The following KCNQ3 variants were observed in gnomAD, a reference collection of about 807,000 sequenced individuals.
KCNQ3 encodes potassium voltage-gated channel subfamily Q member 3, also known as potassium voltage-gated channel subfamily KQT member 3.
In KCNQ3, 30 loss-of-function variants were observed where a neutral mutation model predicts 92.5. The observed-to-expected ratio is 0.32, with a 90% CI of 0.24 to 0.44. The LOEUF is 0.44. Ranked by LOEUF, KCNQ3 falls within the 20% of genes least tolerant of loss-of-function variation. KCNQ3 has a pLI of 1.00. For synonymous variants in KCNQ3, 450 were observed against 468.8 expected (o/e 0.96, Z 0.52); for missense variants, 913 against 1,140.3 (o/e 0.80, Z 2.87).
At chr8:132,303,918 T>C (rs1337557894) in intron 1 of KCNQ3, among the ~76,000 whole-genome samples, 1 of 151,848 alleles carries the variant, frequency 6.6e-6, no homozygotes, top group African/African-American at 2.4e-5. Flanking sequence ...ATTCTTTTTA[T>C]GTCTGAGTAA....
intron 1 of KCNQ3, among the ~76,000 whole-genome samples, chr8:132,300,953 T>A (rs938044133): frequency 6.6e-6 from 1 of 152,120 alleles, no homozygotes; most frequent in Non-Finnish European, 1.5e-5. Context: ...TAATTATTAT[T>A]ATTAACTTGA....
At position 132,193,723 on chromosome 8, in the gene KCNQ3, G is replaced by A. The variant is rs989574810; in HGVS notation, c.387-7542C>T. On this transcript the variant is annotated intron_variant, in intron 1 of 14. Transcript: ENST00000388996. ...CTTTTACTCCTGAGAGCAACACTGC[G>A]AGGAAGGGGACTATCATTTTATTTG... Among the ~76,000 whole-genome samples, 4 of 152,182 alleles carry A rather than the reference G, an allele frequency of 2.6e-5. No individual in the cohort carries two copies. In the East Asian group the frequency reaches 5.8e-4, roughly 22 times the overall value.
intron 1 of KCNQ3, among the ~76,000 whole-genome samples, chr8:132,333,489 T>C (rs1044636894): frequency 1.3e-5 from 2 of 152,162 alleles, no homozygotes; most frequent in African/African-American, 4.8e-5. Flanking sequence ...ATAAACATAA[T>C]ACCTTCTCAC....
intron 4 of KCNQ3, among the ~76,000 whole-genome samples, chr8:132,177,925 T>C (rs1826621533): frequency 6.6e-6 from 1 of 152,196 alleles, no homozygotes; most frequent in African/African-American, 2.4e-5. Flanking sequence ...CCTGTAAATC[T>C]AAGTCTATGT....
At chr8:132,135,858 G>A (rs1190290888) in intron 12 of KCNQ3, among the ~76,000 whole-genome samples, 1 of 152,068 alleles carries the variant, frequency 6.6e-6, no homozygotes, top group African/African-American at 2.4e-5. Context: ...GCTGGGTGCA[G>A]TGGCTGACGC....
chr8:132,180,682 C>T (rs1318971897), intron 3 of KCNQ3, among the ~76,000 whole-genome samples: 1 of 152,124 alleles, frequency 6.6e-6, no homozygotes, highest in East Asian at 1.9e-4. Flanking sequence ...GCTGCAGCTG[C>T]TCAGCCTATG....
chr8:132,283,092 CGTG>C (rs1816579816), intron 1 of KCNQ3, among the ~76,000 whole-genome samples: 1 of 130,608 alleles, frequency 7.7e-6, no homozygotes, highest in Non-Finnish European at 1.7e-5. Flanking sequence ...CTCTCTCTCT[CGTG>C]TGTGTGTGTG....
intron 1 of KCNQ3, among the ~76,000 whole-genome samples, chr8:132,369,407 T>C (rs1377259954): frequency 1.3e-5 from 2 of 152,134 alleles, no homozygotes; most frequent in Non-Finnish European, 2.9e-5. Flanking sequence ...TGGAGATTTG[T>C]CTAGAAGCAA....
intron 1 of KCNQ3, among the ~76,000 whole-genome samples, chr8:132,225,135 A>C (rs1814369719): frequency 6.6e-6 from 1 of 152,216 alleles, no homozygotes; most frequent in South Asian, 2.1e-4. Context: ...CAGTAGGAAA[A>C]ACTGCACTCT....
chr8:132,229,774 T>A (rs1328918901), intron 1 of KCNQ3, among the ~76,000 whole-genome samples: 3 of 151,992 alleles, frequency 2.0e-5, no homozygotes, highest in Non-Finnish European at 4.4e-5. Context: ...ATAAATACAC[T>A]AAGCAAGGGA....
intron 1 of KCNQ3, among the ~76,000 whole-genome samples, chr8:132,371,994 G>A (rs538209095): frequency 2.6e-5 from 4 of 152,160 alleles, no homozygotes; most frequent in Non-Finnish European, 5.9e-5. Context: ...ACAAAGTCTC[G>A]GTCAAGCCTT....
intron 1 of KCNQ3, among the ~76,000 whole-genome samples, chr8:132,324,089 C>G (rs937381615): frequency 2.0e-5 from 3 of 152,136 alleles, no homozygotes; most frequent in Non-Finnish European, 2.9e-5. Flanking sequence ...TCATGCTGTT[C>G]CCTCAGTCTG....
intron 1 of KCNQ3, among the ~76,000 whole-genome samples, chr8:132,297,941 T>A (rs1403944616): frequency 6.6e-6 from 1 of 152,248 alleles, no homozygotes; most frequent in Non-Finnish European, 1.5e-5. Context: ...TTGGCATGTG[T>A]CAGTTTCTTT....
At chr8:132,162,810 C>G (rs1457696650) in intron 9 of KCNQ3, among the ~76,000 whole-genome samples, 1 of 152,030 alleles carries the variant, frequency 6.6e-6, no homozygotes, top group Non-Finnish European at 1.5e-5. Context: ...AGTCCAGGGT[C>G]CTCTCACCTC....
At chr8:132,479,949 A>AACACACACACACACACACACACAC (rs371967111) in intron 1 of KCNQ3, among the ~76,000 whole-genome samples, 198 bp downstream of exon 1, 14 of 137,180 alleles carry the variant, frequency 1.0e-4, no homozygotes, top group East Asian at 2.4e-4. Flanking sequence ...GGAGAGCGGC[A>AACACACACACACACACACACACAC]ACACACACAC....
chr8:132,140,037 G>C (rs763979852), intron 11 of KCNQ3, 39 bp downstream of exon 11: 1 of 1,364,036 alleles, frequency 7.3e-7, no homozygotes, highest in African/African-American at 1.4e-5. Context: ...CTGGAGCGGG[G>C]GAGGCACACA....
At position 132,418,657 on chromosome 8, in the gene KCNQ3, G is replaced by C. The variant is rs147865760; in HGVS notation, c.386+61490C>G. Among the ~76,000 whole-genome samples, 583 of 152,164 alleles carry C rather than the reference G, an allele frequency of 3.8e-3. 5 individuals are homozygous for C. The highest frequency in any genetic ancestry group is 0.013 in the African/African-American group (527 of 41,514). On this transcript the variant is annotated intron_variant, in intron 1 of 14. Coordinates refer to ENST00000388996, the MANE Select transcript of KCNQ3 (RefSeq NM_004519.4). Reference sequence around the variant, plus strand: ...AAAAATTAGCCAGGTGTGGTGGTGCGTGCCTGTAGTCCCAGCTACTTGGGA... The same window carrying C: ...AAAAATTAGCCAGGTGTGGTGGTGCCTGCCTGTAGTCCCAGCTACTTGGGA...
At chr8:132,353,248 CA>C (rs954646144) in intron 1 of KCNQ3, among the ~76,000 whole-genome samples, 2 of 151,342 alleles carry the variant, frequency 1.3e-5, no homozygotes, top group East Asian at 3.9e-4. Context: ...AGCCCTCCGC[CA>C]AAAAAAGTAG....
intron 4 of KCNQ3, 114 bp from the exon 5 acceptor site, chr8:132,175,722 C>G: frequency 1.1e-6 from 1 of 919,174 alleles, no homozygotes; most frequent in Non-Finnish European, 1.7e-6. Flanking sequence ...TGACTGTGGT[C>G]AAATCACTCA....
Sources: gnomAD v4.1 joint callset for allele counts (sites outside exome capture counted in the v4.1 genomes callset) on GRCh38, gnomAD v4.1.1 for gene constraint, MANE v1.5 for transcripts, NCBI Gene and HGNC (gene_info 2026-07-23, HGNC 2026-07-21) for gene names.